SGSH: variants seen among roughly 807,000 people sequenced by gnomAD.
SGSH encodes the protein N-sulfoglucosamine sulfohydrolase.
In SGSH, 48 loss-of-function variants were observed where a neutral mutation model predicts 51.0. The ratio of observed to expected loss-of-function variants is 0.94; its 90% CI spans 0.75 to 1.20. The LOEUF is 1.20. Among genes scored for constraint, SGSH ranks in the 50% most tolerant of loss-of-function variants. The probability of loss-of-function intolerance (pLI) is 0.00; values close to 1 mark genes in which losing one functional copy is unlikely to be tolerated. For missense variants in SGSH, 662 were observed against 717.8 expected (o/e 0.92, Z 0.89); for synonymous variants, 321 against 313.4 (o/e 1.02, Z -0.26).
rs562933313 is a variant in SGSH at position 80,217,161 on chromosome 17, G to A, written c.120C>T (p.Tyr40=). ...GCGGGGTGGCGATGGCGCTGTTGTT[G>A]TACGCGCCACTCTCAAAGCCTCCGT... The part of the protein sequence containing the change: ...ADDGGFESGA[Y]NNSAIATPHL... The change falls in exon 2 of 8, where the codon TAC becomes TAT. Residue 40 remains tyrosine, a synonymous_variant. Coordinates refer to ENST00000326317, the MANE Select transcript of SGSH (RefSeq NM_000199.5). The A allele has an allele frequency of 6.2e-7, 1 of 1,601,416 alleles. No homozygotes were observed. The highest frequency in any genetic ancestry group is 1.1e-5 in the South Asian group (1 of 89,366).
intron 1 of SGSH, among the ~76,000 whole-genome samples, chr17:80,218,956 T>G (rs1301891230): frequency 1.3e-5 from 2 of 151,890 alleles, no homozygotes; most frequent in Non-Finnish European, 2.9e-5. Context: ...GCCCAGGAGT[T>G]CGAGACCAGT....
chr17:80,206,998 T>G, downstream of SGSH: 1 of 1,613,134 alleles, frequency 6.2e-7, no homozygotes, highest in Non-Finnish European at 8.5e-7. Flanking sequence ...GACGTCCAGC[T>G]GGACAGTGTC....
rs1163683351 is a variant in SGSH, at chr17:80,210,878, G to C, written c.1083C>G (p.Val361=). ...CCTCGTGGTGGCTCTGGCTGCCAAA[G>C]ACGGTGGCCCAGAGGGGCTCGGCCT... is the stretch of plus-strand genomic sequence containing the variant. ...ALEAEPLWAT[V]FGSQSHHEVT... Residue 361 remains valine (V), a synonymous_variant, in exon 8 of 8, where the codon GTC becomes GTG. Coordinates refer to ENST00000326317, the MANE Select transcript of SGSH (RefSeq NM_000199.5). 1.2e-6 allele frequency: 2 copies of C among 1,613,198 alleles called. No individual in the cohort carries two copies. Among genetic ancestry groups the C allele is most frequent in the Non-Finnish European group, 1.7e-6 (2 of 1,180,004 alleles).
chr17:80,212,595 A>G lies in SGSH; in HGVS notation c.746-321T>C, dbSNP rs896849977. On this transcript the variant is annotated intron_variant, in intron 6 of 7. Transcript: ENST00000326317. The surrounding 1 kb of genome is among the most constrained non-coding windows in gnomAD (Gnocchi z 5.9). ...TTCTCCGGAATCTCGTGTCTGTCCC[A>G]TGGAGCAAATAGGGCAGGGGCCAGA... 1.2e-5 allele frequency: 5 copies of G among 433,464 alleles called. No individual in the cohort carries two copies. The highest frequency in any genetic ancestry group is 1.0e-4 in the African/African-American group (5 of 49,602). The allele number at this position is 433,464 out of a possible 1,614,324, so 26.9% of individuals were successfully genotyped here.
downstream of SGSH, chr17:80,202,496 C>T: frequency 6.4e-7 from 1 of 1,554,692 alleles, no homozygotes; most frequent in East Asian, 2.3e-5. Flanking sequence ...CCTCGGCTTC[C>T]TCCTCCTGCC....
At chr17:80,204,956 C>T, downstream of SGSH, 2 of 1,286,792 alleles carry the variant, frequency 1.6e-6, no homozygotes, top group Non-Finnish European at 2.1e-6. Flanking sequence ...GCAAAGCAGA[C>T]CCAGTCCCTC....
At chr17:80,204,124 C>T, downstream of SGSH, 1 of 1,142,802 alleles carries the variant, frequency 8.8e-7, no homozygotes, top group Non-Finnish European at 1.2e-6. Context: ...TGCGCCTCTG[C>T]ATCACTCCCA....
At chr17:80,219,464 G>A (rs1479643241) in intron 1 of SGSH, among the ~76,000 whole-genome samples, 2 of 152,260 alleles carry the variant, frequency 1.3e-5, no homozygotes, top group Admixed American at 6.5e-5. Context: ...CTGATCCGCA[G>A]GTGAGGGTCC....
chr17:80,218,449 T>C (rs2041975589), intron 1 of SGSH, among the ~76,000 whole-genome samples: 1 of 152,186 alleles, frequency 6.6e-6, no homozygotes, highest in South Asian at 2.1e-4. Context: ...TAGAGGACAC[T>C]GGGGGCACCA....
At chr17:80,214,849 C>A in intron 3 of SGSH, 84 bp from the exon 4 acceptor site, 1 of 1,522,966 alleles carries the variant, frequency 6.6e-7, no homozygotes, top group Non-Finnish European at 9.0e-7. Flanking sequence ...CGGCCCTAAG[C>A]GCACTGTGGG....
intron 7 of SGSH, chr17:80,211,248 T>C (rs1447081238): frequency 3.9e-6 from 5 of 1,289,058 alleles, no homozygotes; most frequent in East Asian, 2.6e-5. Context: ...TAAAATCCCA[T>C]GGACTGGAAA....
intron 1 of SGSH, among the ~76,000 whole-genome samples, chr17:80,219,146 T>TGA (rs1281619296): frequency 9.3e-6 from 1 of 107,858 alleles, no homozygotes; most frequent in African/African-American, 3.8e-5. Flanking sequence ...GGTGACAGAG[T>TGA]GAGACCCTGT....
downstream of SGSH, chr17:80,205,303 C>T (rs2041235399): frequency 3.3e-6 from 4 of 1,226,544 alleles, no homozygotes; most frequent in South Asian, 2.9e-5. Flanking sequence ...TCCTCCTTCC[C>T]TCCCCCACCA....
At chr17:80,203,823 G>A (rs1273079353), downstream of SGSH, 5 of 1,574,432 alleles carry the variant, frequency 3.2e-6, no homozygotes, top group Non-Finnish European at 4.3e-6. This position sits in a 1 kb window ranked among gnomAD's most constrained non-coding sequence, Gnocchi z 4.6. Context: ...TCTCTGCAGG[G>A]CTCAGCAGCA....
downstream of SGSH, among the ~76,000 whole-genome samples, chr17:80,206,487 C>T (rs922004344): frequency 5.9e-5 from 9 of 152,150 alleles, no homozygotes; most frequent in African/African-American, 1.9e-4. Context: ...AAAAGTGGGC[C>T]GGGTGCGGTG....
downstream of SGSH, chr17:80,208,199 G>A (rs1240011102): frequency 1.9e-6 from 3 of 1,554,500 alleles, no homozygotes; most frequent in Admixed American, 2.0e-5. Flanking sequence ...GAGGCAGGAG[G>A]AGGGAGACCT....
Position 80,210,288 on chromosome 17 carries a change from C to T in SGSH, c.*164G>A. 1 of 1,434,516 alleles carries T rather than the reference C, an allele frequency of 7.0e-7. No homozygotes were observed. Among genetic ancestry groups the T allele is most frequent in the Non-Finnish European group, 9.1e-7 (1 of 1,098,632 alleles). The allele number at this position is 1,434,516 out of a possible 1,614,324, so 88.9% of individuals were successfully genotyped here. ...CTGGTCACATGCTCTGGTCCCCCTC[C>T]AGGCAATGGCAAGAGTGACCCCACA... On this transcript the variant is annotated 3_prime_UTR_variant, in exon 8 of 8. Coordinates refer to ENST00000326317, the MANE Select transcript of SGSH (RefSeq NM_000199.5).
the SGSH span, chr17:80,201,674 G>A: frequency 6.3e-7 from 1 of 1,578,528 alleles, no homozygotes; most frequent in East Asian, 2.2e-5. This position sits in a 1 kb window ranked among gnomAD's most constrained non-coding sequence, Gnocchi z 5.0. Flanking sequence ...AGTGCCCTCA[G>A]CGCCTTCTGT....
the SGSH span, chr17:80,201,637 C>A: frequency 1.7e-6 from 2 of 1,194,170 alleles, no homozygotes; most frequent in Non-Finnish European, 2.5e-6. This position sits in a 1 kb window ranked among gnomAD's most constrained non-coding sequence, Gnocchi z 5.0. Flanking sequence ...AGTGGTCCTA[C>A]GGCAGGGCTG....
Sources: gnomAD v4.1 joint callset for allele counts (sites outside exome capture counted in the v4.1 genomes callset) on GRCh38, gnomAD v4.1.1 for gene constraint, Gnocchi (gnomAD v3.1) non-coding constraint, MANE v1.5 for transcripts, NCBI Gene and HGNC (gene_info 2026-07-23, HGNC 2026-07-21) for gene names.